PER2: variants seen among roughly 807,000 people sequenced by gnomAD.
PER2 encodes the protein period circadian protein homolog 2.
In PER2, 66 loss-of-function variants were observed where a neutral mutation model predicts 121.0. That is an observed-to-expected ratio of 0.55 (90% CI 0.45 to 0.67). The LOEUF is 0.67. Ranked by LOEUF, PER2 falls within the 30% of genes least tolerant of loss-of-function variation. The pLI is 0.00. For missense variants in PER2, 1,521 were observed against 1,635.0 expected, an observed-to-expected ratio of 0.93 and a Z score of 1.20; for synonymous variants, 684 against 659.9, an observed-to-expected ratio of 1.04 and a Z score of -0.56.
intron 1 of PER2, among the ~76,000 whole-genome samples, chr2:238,285,630 T>TCA (rs1160090576): frequency 1.3e-5 from 2 of 151,882 alleles, no homozygotes; most frequent in African/African-American, 4.8e-5. Flanking sequence ...CCTCATGAGG[T>TCA]CACAGCTTGA....
At chr2:238,294,899 C>T (rs58784473), upstream of PER2, among the ~76,000 whole-genome samples, 3,813 of 152,294 alleles carry the variant, frequency 0.025, 186 homozygotes, top group African/African-American at 0.088. Context: ...CCCTGCGTTC[C>T]ATTAATATAA....
chr2:238,294,226 C>T (rs1351534539), upstream of PER2, among the ~76,000 whole-genome samples: 1 of 152,250 alleles, frequency 6.6e-6, no homozygotes, highest in Non-Finnish European at 1.5e-5. Context: ...CTCCCTGGCT[C>T]TGTCCCTCTC....
At chr2:238,267,761 T>C (rs546555656) in intron 8 of PER2, among the ~76,000 whole-genome samples, 48 of 152,174 alleles carry the variant, frequency 3.2e-4, no homozygotes, top group Non-Finnish European at 5.4e-4. Flanking sequence ...TCCCACTTTG[T>C]GGACAAAAGG....
intron 21 of PER2, 149 bp downstream of exon 21, chr2:238,250,402 A>G: frequency 1.5e-6 from 1 of 683,016 alleles, no homozygotes. Flanking sequence ...AATTGTCCAG[A>G]GGGAAGCCTG....
At chr2:238,248,414 G>A (rs1206996954) in intron 22 of PER2, among the ~76,000 whole-genome samples, 1 of 152,192 alleles carries the variant, frequency 6.6e-6, no homozygotes, top group Non-Finnish European at 1.5e-5. Flanking sequence ...ACGCCAGCAG[G>A]AACTTGTTTT....
chr2:238,257,152 C>A, intron 16 of PER2, 66 bp from the exon 17 acceptor site: 1 of 1,486,042 alleles, frequency 6.7e-7, no homozygotes, highest in Non-Finnish European at 9.2e-7. Context: ...GATGAGAAAC[C>A]GACACCCAAG....
chr2:238,270,101 G>A lies in PER2; in HGVS notation c.773-1127C>T, dbSNP rs1166594182. 3.9e-5 allele frequency among the ~76,000 whole-genome samples: 6 copies of A among 152,202 alleles called. No homozygotes were observed. In the East Asian group the frequency reaches 1.2e-3, roughly 29 times the overall value. ...GTTAAATATTTCTTTCTAAGAAACC[G>A]AATTTGTCAGCCTCTTTCTTTGGCC... On this transcript the variant is annotated intron_variant, in intron 6 of 22. Coordinates refer to ENST00000254657, the MANE Select transcript of PER2 (RefSeq NM_022817.3).
chr2:238,288,850 C>T (rs1470572410), upstream of PER2, among the ~76,000 whole-genome samples: 1 of 152,102 alleles, frequency 6.6e-6, no homozygotes, highest in Non-Finnish European at 1.5e-5. Context: ...CCATTGGCCG[C>T]GACTCCGTCT....
Position 238,244,634 on chromosome 2 carries a change from G to A in PER2, c.*1741C>T, listed in dbSNP as rs966232291. 1.6e-4 allele frequency: 24 copies of A among 152,100 alleles called. No homozygotes were observed. Among genetic ancestry groups the A allele is most frequent in the East Asian group, 5.8e-4 (3 of 5,202 alleles). 9.4% of individuals were successfully genotyped at this position (152,100 alleles called of 1,614,324 possible). The stretch of plus-strand genomic sequence containing the variant: ...AGCTGATGTTACTTTGTAAATTAAC[G>A]AAAAATTAAAGTGTTCTTGTGTTTA... On this transcript the variant is annotated 3_prime_UTR_variant, in exon 23 of 23. Coordinates refer to ENST00000254657, the MANE Select transcript of PER2 (RefSeq NM_022817.3).
chr2:238,254,120 T>G (rs1695691405), intron 18 of PER2: 1 of 254,056 alleles, frequency 3.9e-6, no homozygotes, highest in Non-Finnish European at 7.6e-6. Context: ...TCCTCTATTT[T>G]TCAATTTATA....
At chr2:238,291,689 C>T (rs990998852), upstream of PER2, among the ~76,000 whole-genome samples, 1 of 152,198 alleles carries the variant, frequency 6.6e-6, no homozygotes. Context: ...CTCCAGCCTC[C>T]CTTGAACCCA....
At chr2:238,255,935 C>G in intron 17 of PER2, 24 bp from the exon 18 acceptor site, 1 of 1,614,068 alleles carries the variant, frequency 6.2e-7, no homozygotes, top group Non-Finnish European at 8.5e-7. Flanking sequence ...ACCCAGGGCT[C>G]TGGTCCACAC....
Position 238,273,097 on chromosome 2 carries a change from A to G in PER2, c.543T>C (p.Val181=), listed in dbSNP as rs1696340670. The G allele has an allele frequency of 6.2e-7, 1 of 1,613,846 alleles. No homozygotes were observed. The highest frequency in any genetic ancestry group is 1.7e-5 in the Admixed American group (1 of 60,010). ...CATTCTTCACAATGTGCTCAGAGGT[A>G]ACGCTCTCCATCTCCTCCACGGTGT... ...PSYTVEEMES[V]TSEHIVKNAD... Residue 181 remains valine, a synonymous_variant, in exon 5 of 23, where the codon GTT becomes GTC. Transcript: ENST00000254657.
At position 238,246,316 on chromosome 2, in the gene PER2, T is replaced by A; in HGVS notation, c.*59A>T. On this transcript the variant is annotated 3_prime_UTR_variant, in exon 23 of 23. Transcript: ENST00000254657. ...TGGAAACAGCCATGAAGATCTTTCA[T>A]CTCTTCCAAGCACCACCTGGTGTAC... 7.7e-7 allele frequency: 1 copy of A among 1,306,336 alleles called. No homozygotes were observed. The highest frequency in any genetic ancestry group is 1.4e-5 in the South Asian group (1 of 69,636). 80.9% of individuals were successfully genotyped at this position (1,306,336 alleles called of 1,614,324 possible). A position where few individuals can be genotyped will look rare whatever the true frequency, so the allele number is the denominator to read the frequency against.
At position 238,259,994 on chromosome 2, in the gene PER2, T is replaced by C. The variant is rs1203599064; in HGVS notation, c.1602A>G (p.Gly534=). 2.7e-6 allele frequency: 4 copies of C among 1,492,560 alleles called. No homozygotes were observed. The Admixed American group carries it at 6.9e-5, about 26-fold the overall frequency. The allele number at this position is 1,492,560 out of a possible 1,614,324, so 92.5% of individuals were successfully genotyped here. ...CTGTAACGGATTTTTTCTTTTGTTC[T>C]CCAGATTCATGAGAATAATGACTTC... ...KNRSHYSHES[G]EQKKKSVTEM... Residue 534 remains glycine, a synonymous_variant, in exon 14 of 23, where the codon GGA becomes GGG. Coordinates refer to ENST00000254657, the MANE Select transcript of PER2 (RefSeq NM_022817.3).
chr2:238,290,643 T>C (rs1574867270), upstream of PER2, among the ~76,000 whole-genome samples: 1 of 152,324 alleles, frequency 6.6e-6, no homozygotes, highest in East Asian at 1.9e-4. Flanking sequence ...TCTCATCTAT[T>C]TTCAGTGATT....
chr2:238,259,370 G>A (rs532733177), intron 14 of PER2, among the ~76,000 whole-genome samples: 77 of 152,338 alleles, frequency 5.1e-4, no homozygotes, highest in African/African-American at 1.6e-3. Context: ...AAATACATGC[G>A]GGACAGAGGA....
intron 9 of PER2, 66 bp downstream of exon 9, chr2:238,265,446 C>G: frequency 1.0e-6 from 1 of 971,854 alleles, no homozygotes; most frequent in Non-Finnish European, 1.7e-6. Context: ...AAGATGCAGT[C>G]TTGGCTTTGG....
At chr2:238,261,104 G>A in intron 12 of PER2, 151 bp from the exon 13 acceptor site, 1 of 921,080 alleles carries the variant, frequency 1.1e-6, no homozygotes, top group Non-Finnish European at 1.6e-6. Flanking sequence ...TTGAACCCCA[G>A]GGTCAGCTCC....
Sources: allele counts gnomAD v4.1 joint callset (sites outside exome capture counted in the v4.1 genomes callset), GRCh38; gene constraint gnomAD v4.1.1; transcripts MANE v1.5; gene names NCBI Gene and HGNC (gene_info 2026-07-23, HGNC 2026-07-21).